The following ZNF605 variants were observed in gnomAD, a reference collection of about 807,000 sequenced individuals.
ZNF605 encodes the protein zinc finger protein 605.
In ZNF605, 9 loss-of-function variants were observed where a neutral mutation model predicts 7.9. That is an observed-to-expected ratio of 1.14 (90% CI 0.68 to 1.98). The LOEUF (loss-of-function observed/expected upper bound fraction) is 1.98, where lower values mean the gene tolerates loss of function less well. Ranked by LOEUF, ZNF605 falls within the 30% of genes most tolerant of loss-of-function variation. The probability of loss-of-function intolerance (pLI) is 0.00; values close to 1 mark genes in which losing one functional copy is unlikely to be tolerated. For synonymous variants in ZNF605, 255 were observed against 260.1 expected (o/e 0.98, Z 0.19); for missense variants, 673 against 762.4 (o/e 0.88, Z 1.38).
rs1179197996 is a variant in ZNF605 at position 132,941,285 on chromosome 12, C to T, written c.15+4336G>A. ...TCTGCTCTCAGAAGACGGTGAACCA[C>T]GGGAAACAGCTGTCCTGCTTTCCAG... On this transcript the variant is annotated intron_variant, in intron 3 of 4. Transcript: ENST00000360187. This position sits in a 1 kb window ranked among gnomAD's most constrained non-coding sequence, Gnocchi z 5.1. Among the ~76,000 whole-genome samples the T allele has an allele frequency of 6.6e-6, 1 of 152,100 alleles. No individual in the cohort carries two copies. The highest frequency in any genetic ancestry group is 1.9e-4 in the East Asian group (1 of 5,170).
In ZNF605 at chr12:132,942,270, A is replaced by G. The variant is rs1010691469; in HGVS notation, c.15+3351T>C. Among the ~76,000 whole-genome samples the G allele has an allele frequency of 1.6e-3, 247 of 152,308 alleles. 2 individuals carry two copies. Among genetic ancestry groups the G allele is most frequent in the Non-Finnish European group, 1.8e-3 (123 of 68,030 alleles). ...CCTAAAAGCTTTCTCCTCCTCCTAA[A>G]AAACCAAACACAAGAGGTCCTCTTG... On this transcript the variant is annotated intron_variant, in intron 3 of 4. Coordinates refer to ENST00000360187, the MANE Select transcript of ZNF605 (RefSeq NM_183238.4).
intron 3 of ZNF605, among the ~76,000 whole-genome samples, chr12:132,939,717 T>C (rs1593592656): frequency 6.6e-6 from 1 of 152,094 alleles, no homozygotes; most frequent in African/African-American, 2.4e-5. Flanking sequence ...CCCGCTCGGG[T>C]CCTCTTCCAC....
intron 3 of ZNF605, among the ~76,000 whole-genome samples, chr12:132,934,778 C>G (rs1952346377): frequency 6.7e-6 from 1 of 149,596 alleles, no homozygotes; most frequent in South Asian, 2.1e-4. Context: ...AAAAAAATCA[C>G]ATTCTCAAGT....
At position 132,925,193 on chromosome 12, in the gene ZNF605, A is replaced by G; in HGVS notation, c.*180T>C. 1 of 524,878 alleles carries G rather than the reference A, an allele frequency of 1.9e-6. No homozygotes were observed. Among genetic ancestry groups the G allele is most frequent in the South Asian group, 3.2e-5 (1 of 30,850 alleles). The allele number at this position is 524,878 out of a possible 1,614,324, so 32.5% of individuals were successfully genotyped here. A position where few individuals can be genotyped will look rare whatever the true frequency, so the allele number is the denominator to read the frequency against. ...TCTTCTGGGAGATGACTTTTTTTAC[A>G]CTGTTTGCTTTTTAAAAACTTCTCT... is the stretch of plus-strand genomic sequence containing the variant. On this transcript the variant is annotated 3_prime_UTR_variant, in exon 5 of 5. Coordinates refer to ENST00000360187, the MANE Select transcript of ZNF605 (RefSeq NM_183238.4).
intron 1 of ZNF605, among the ~76,000 whole-genome samples, chr12:132,950,818 TAC>T (rs1952552555): frequency 6.7e-6 from 1 of 149,770 alleles, no homozygotes; most frequent in Admixed American, 6.6e-5. Flanking sequence ...CAGAGACATG[TAC>T]ACACACTGAT....
At chr12:132,952,998 G>A (rs1161100568) in intron 1 of ZNF605, among the ~76,000 whole-genome samples, 10 of 151,906 alleles carry the variant, frequency 6.6e-5, no homozygotes, top group East Asian at 3.9e-4. Flanking sequence ...ACTGAACTCC[G>A]CAGCTCCAAG....
chr12:132,945,149 A>G, intron 3 of ZNF605: 1 of 460,272 alleles, frequency 2.2e-6, no homozygotes, highest in South Asian at 2.4e-5. Context: ...TTTTCAGTAG[A>G]GACGGGGTTT....
chr12:132,926,711 G>A lies in ZNF605; in HGVS notation c.588C>T (p.Pro196=). The A allele has an allele frequency of 1.2e-6, 2 of 1,614,160 alleles. No individual in the cohort carries two copies. Among genetic ancestry groups the A allele is most frequent in the South Asian group, 2.2e-5 (2 of 91,078 alleles). The change falls in exon 5 of 5, where the codon CCC becomes CCT. Residue 196 remains proline (P), a synonymous_variant. Transcript: ENST00000360187. ...CTTTTCCACACTCACTGCATTGATA[G>A]GGCTTCTCTCCTGTATGAGTTCTCT... The part of the protein sequence containing the change: ...IHQRTHTGEK[P]YQCSECGKAF...
chr12:132,950,434 T>C (rs895577769), intron 1 of ZNF605, among the ~76,000 whole-genome samples: 1 of 151,288 alleles, frequency 6.6e-6, no homozygotes, highest in Middle Eastern at 3.4e-3. Flanking sequence ...GACACGCACA[T>C]ACGTGCAGAC....
In ZNF605 at chr12:132,925,485, A is replaced by G; in HGVS notation, c.1814T>C (p.Met605Thr). 1 of 1,614,224 alleles carries G rather than the reference A, an allele frequency of 6.2e-7. No homozygotes were observed. Among genetic ancestry groups the G allele is most frequent in the Non-Finnish European group, 8.5e-7 (1 of 1,180,040 alleles). ...TCCTGTATGAATCCTCTGATGCCTCATAAGGTGTGACTTTCTTGTGAAAGA... is the reference window on the plus strand; with the variant it reads ...TCCTGTATGAATCCTCTGATGCCTCGTAAGGTGTGACTTTCTTGTGAAAGA... ...GKSFTRKSHL[M>T]RHQRIHTGDK... Residue 605 changes from methionine (M) to threonine (T), a missense_variant, in exon 5 of 5, where the codon ATG becomes ACG. Met to Thr is a moderately conservative substitution (Grantham distance 81, BLOSUM62 -1). Transcript: ENST00000360187.
intron 3 of ZNF605, among the ~76,000 whole-genome samples, chr12:132,934,731 G>A (rs796463700): frequency 1.7e-4 from 26 of 148,880 alleles, no homozygotes; most frequent in African/African-American, 6.4e-4. Flanking sequence ...AAGATTCCAG[G>A]AACCATAACA....
chr12:132,951,058 T>TCAC (rs1952558190), intron 1 of ZNF605, among the ~76,000 whole-genome samples: 1 of 143,860 alleles, frequency 7.0e-6, no homozygotes, highest in South Asian at 2.3e-4. Flanking sequence ...AGATACATCA[T>TCAC]ACACAGACAT....
chr12:132,945,896 C>A (rs935882201), intron 2 of ZNF605, 99 bp from the exon 3 acceptor site: 4 of 609,228 alleles, frequency 6.6e-6, no homozygotes, highest in Non-Finnish European at 1.2e-5. Context: ...TTTAAAGTCT[C>A]GAACTAGATG....
At chr12:132,954,377 G>GTGGGGA (rs1952609825) in intron 1 of ZNF605, among the ~76,000 whole-genome samples, 3 of 96,684 alleles carry the variant, frequency 3.1e-5, no homozygotes, top group African/African-American at 1.3e-4. Context: ...GGGGAGAAGG[G>GTGGGGA]GCTTCAGTCA....
In ZNF605 at chr12:132,939,072, T is replaced by C. The variant is rs1053285950; in HGVS notation, c.16-5917A>G. 4.1e-3 allele frequency among the ~76,000 whole-genome samples: 601 copies of C among 146,906 alleles called. 4 individuals carry two copies. Among genetic ancestry groups the C allele is most frequent in the Non-Finnish European group, 7.2e-3 (464 of 64,792 alleles). On this transcript the variant is annotated intron_variant, in intron 3 of 4. Coordinates refer to ENST00000360187, the MANE Select transcript of ZNF605 (RefSeq NM_183238.4). ...GGCTCCCATGCGGCCCCAGCCTCCC[T>C]GACGAGCACCACCCCCTGCTCCACG...
At chr12:132,944,611 G>A (rs1217951286) in intron 3 of ZNF605, among the ~76,000 whole-genome samples, 5 of 152,152 alleles carry the variant, frequency 3.3e-5, no homozygotes, top group Admixed American at 3.3e-4. Context: ...CTGGAATCTA[G>A]GTAGGATGTG....
intron 4 of ZNF605, chr12:132,932,658 T>C: frequency 8.2e-7 from 1 of 1,219,924 alleles, no homozygotes; most frequent in Non-Finnish European, 1.1e-6. Flanking sequence ...CCACCTGTCA[T>C]CAAAAACCTG....
intron 4 of ZNF605, among the ~76,000 whole-genome samples, chr12:132,931,372 G>GA (rs766023926): frequency 1.3e-4 from 20 of 152,018 alleles, no homozygotes; most frequent in East Asian, 9.7e-4. Context: ...TCTTTATGGG[G>GA]AAAAAAATCT....
chr12:132,953,810 C>A (rs1187241276), intron 1 of ZNF605, among the ~76,000 whole-genome samples: 2 of 152,066 alleles, frequency 1.3e-5, no homozygotes, highest in Admixed American at 1.3e-4. Context: ...CTGACACCCA[C>A]AGGGTCCCCA....
Sources: gnomAD v4.1 joint callset for allele counts (sites outside exome capture counted in the v4.1 genomes callset) on GRCh38, gnomAD v4.1.1 for gene constraint, Gnocchi (gnomAD v3.1) non-coding constraint, MANE v1.5 for transcripts, NCBI Gene and HGNC (gene_info 2026-07-23, HGNC 2026-07-21) for gene names.